The following SREK1 variants were observed in gnomAD, a reference collection of about 807,000 sequenced individuals.
SREK1 encodes splicing regulatory glutamic acid and lysine rich protein 1, also known as splicing regulatory glutamine/lysine-rich protein 1.
In SREK1, 13 loss-of-function variants were observed where a neutral mutation model predicts 66.5. The ratio of observed to expected loss-of-function variants is 0.20; its 90% CI spans 0.13 to 0.31. The LOEUF is 0.31. SREK1 is among the 10% of genes least tolerant of loss of function. The probability of loss-of-function intolerance (pLI) is 1.00; values close to 1 mark genes in which losing one functional copy is unlikely to be tolerated. For missense variants in SREK1, 607 were observed against 769.6 expected (o/e 0.79, Z 2.50); for synonymous variants, 265 against 263.5 (o/e 1.01, Z -0.05).
intron 3 of SREK1, among the ~76,000 whole-genome samples, chr5:66,159,620 G>A (rs1340613756): frequency 1.3e-5 from 2 of 151,962 alleles, no homozygotes. Context: ...ATAGCATAGA[G>A]GATCTAGGTA....
intron 3 of SREK1, among the ~76,000 whole-genome samples, 187 bp downstream of exon 3, chr5:66,159,521 A>C (rs1744561602): frequency 6.6e-6 from 1 of 150,614 alleles, no homozygotes; most frequent in Non-Finnish European, 1.5e-5. Context: ...TTTTGGATTT[A>C]CTCCTGAAGT....
At chr5:66,167,247 G>T (rs1376101096) in intron 7 of SREK1, 1 of 152,174 alleles carries the variant, frequency 6.6e-6, no homozygotes, top group Non-Finnish European at 1.5e-5. Flanking sequence ...GCTAGGACTA[G>T]GGAGGTATGT....
At chr5:66,149,156 T>C (rs1456476709) in intron 1 of SREK1, among the ~76,000 whole-genome samples, 2 of 152,118 alleles carry the variant, frequency 1.3e-5, no homozygotes, top group Non-Finnish European at 2.9e-5. Flanking sequence ...GTTCGAGACC[T>C]GTCTGGCCAA....
intron 3 of SREK1, 57 bp downstream of exon 3, chr5:66,159,391 G>T: frequency 1.5e-6 from 2 of 1,338,878 alleles, no homozygotes; most frequent in South Asian, 1.6e-5. Context: ...GTGACCAGTT[G>T]AATAGAGAGC....
chr5:66,165,122 G>C (rs1317045989), intron 7 of SREK1: 1 of 390,480 alleles, frequency 2.6e-6, no homozygotes, highest in African/African-American at 2.1e-5. Flanking sequence ...TTTATTTTTA[G>C]AAGTTAGTTT....
intron 1 of SREK1, chr5:66,144,745 C>T: frequency 8.0e-7 from 1 of 1,255,224 alleles, no homozygotes; most frequent in Non-Finnish European, 1.0e-6. Context: ...CTGCACGGAG[C>T]CCTTACCAAG....
At chr5:66,153,967 T>G (rs1315204287) in intron 2 of SREK1, among the ~76,000 whole-genome samples, 1 of 152,184 alleles carries the variant, frequency 6.6e-6, no homozygotes, top group Non-Finnish European at 1.5e-5. Context: ...ATGAAAATAG[T>G]GTACACATTT....
At chr5:66,156,377 T>A in intron 2 of SREK1, 5 of 1,194,772 alleles carry the variant, frequency 4.2e-6, no homozygotes, top group Non-Finnish European at 5.2e-6. Flanking sequence ...GTGTTGCAAA[T>A]TATATTGGGA....
rs923804275 is a variant in SREK1 at position 66,183,528 on chromosome 5, T to A, written c.*4660T>A. ...GGTGGTGGTTATTTGTGAGTAGGAC[T>A]ACTTTTAAATGGTACTAGTAAAGAT... On this transcript the variant is annotated 3_prime_UTR_variant, in exon 12 of 12. Coordinates refer to ENST00000334121, the MANE Select transcript of SREK1 (RefSeq NM_001077199.3). The A allele has an allele frequency of 4.6e-5, 7 of 152,330 alleles. No homozygotes were observed. The highest frequency in any genetic ancestry group is 3.3e-4 in the Admixed American group (5 of 15,292). 9.4% of individuals were successfully genotyped at this position (152,330 alleles called of 1,614,324 possible).
rs1202026809 is a variant in SREK1, at chr5:66,144,554, G to C, written c.161+17G>C. 5 of 1,543,202 alleles carry C rather than the reference G, an allele frequency of 3.2e-6. No homozygotes were observed. Among genetic ancestry groups the C allele is most frequent in the Non-Finnish European group, 4.4e-6 (5 of 1,142,560 alleles). On this transcript the variant is annotated intron_variant, in intron 1 of 11. Transcript: ENST00000334121. ...CCCCCCGGAGTAAGTGCTGGAGCTC[G>C]GCTGGGGGAGGGGCGCGGGCGCCAT...
chr5:66,172,476 A>G (rs1745722283), intron 9 of SREK1, among the ~76,000 whole-genome samples: 1 of 151,680 alleles, frequency 6.6e-6, no homozygotes, highest in South Asian at 2.1e-4. Flanking sequence ...ACCCACTGCA[A>G]CCTCCCCCTC....
intron 7 of SREK1, 115 bp from the exon 8 acceptor site, chr5:66,169,933 GTAT>G (rs960456375): frequency 1.4e-6 from 1 of 732,646 alleles, no homozygotes; most frequent in African/African-American, 1.8e-5. Flanking sequence ...TGTAACTAAA[GTAT>G]TATTTAAGAG....
At chr5:66,152,686 G>T (rs1209427717) in intron 1 of SREK1, among the ~76,000 whole-genome samples, 1 of 152,054 alleles carries the variant, frequency 6.6e-6, no homozygotes, top group Non-Finnish European at 1.5e-5. Flanking sequence ...ACTTAGTTCG[G>T]TCTTTTTTTT....
At chr5:66,172,229 C>T (rs1437380652) in intron 9 of SREK1, among the ~76,000 whole-genome samples, 3 of 152,112 alleles carry the variant, frequency 2.0e-5, no homozygotes, top group African/African-American at 7.2e-5. Flanking sequence ...CTTTGTGTTT[C>T]TGTGATTGTT....
chr5:66,179,098 A>G lies in SREK1; in HGVS notation c.*230A>G. ...CAAACTCATCTTCTAAAATCTGTGC[A>G]TTTCCATGGTGGCTGACACACTTGT... On this transcript the variant is annotated 3_prime_UTR_variant, in exon 12 of 12. Coordinates refer to ENST00000334121, the MANE Select transcript of SREK1 (RefSeq NM_001077199.3). 2.9e-6 allele frequency: 1 copy of G among 341,428 alleles called. No homozygotes were observed. The highest frequency in any genetic ancestry group is 5.2e-6 in the Non-Finnish European group (1 of 192,288). The allele number at this position is 341,428 out of a possible 1,614,324, so 21.1% of individuals were successfully genotyped here. A position where few individuals can be genotyped will look rare whatever the true frequency, so the allele number is the denominator to read the frequency against.
At position 66,144,410 on chromosome 5, in the gene SREK1, G is replaced by A. The variant is rs767331; in HGVS notation, c.34G>A (p.Gly12Ser). The stretch of plus-strand genomic sequence containing the variant: ...CGGCGGCGGCTTCGGTTTGGGCTTA[G>A]GCTTCGGCCTCACCCCCACGTCGGT... ...NSGGGFGLGL[G>S]FGLTPTSVIQ... The change falls in exon 1 of 12, where the codon GGC becomes AGC. Residue 12 changes from glycine to serine, a missense_variant. Physicochemically the swap from Gly to Ser is moderately conservative, Grantham distance 56. Around this residue, in one of 5 missense-constraint regions of SREK1, gnomAD observed 75 missense variants for 72.9 expected, o/e 1.03. Transcript: ENST00000334121. 4 of 1,551,170 alleles carry A rather than the reference G, an allele frequency of 2.6e-6. No individual in the cohort carries two copies. The African/African-American group carries it at 5.5e-5, about 21-fold the overall frequency.
intron 7 of SREK1, 160 bp from the exon 8 acceptor site, chr5:66,169,891 G>A (rs111492230): frequency 6.0e-6 from 3 of 500,296 alleles, no homozygotes; most frequent in Non-Finnish European, 1.0e-5. Flanking sequence ...TGAAATATCC[G>A]GTAAAGTTTC....
intron 2 of SREK1, chr5:66,157,221 G>A (rs1252413828): frequency 1.0e-6 from 1 of 984,674 alleles, no homozygotes; most frequent in African/African-American, 1.7e-5. Context: ...GAAAGGCAGT[G>A]GGAGAGTTTG....
intron 7 of SREK1, chr5:66,166,406 G>A (rs1218757738): frequency 6.6e-6 from 1 of 152,152 alleles, no homozygotes; most frequent in African/African-American, 2.4e-5. Context: ...TGTGCTTTAT[G>A]TAGATATGTC....
Sources: allele counts gnomAD v4.1 joint callset (sites outside exome capture counted in the v4.1 genomes callset), GRCh38; gene constraint gnomAD v4.1.1; regional missense constraint gnomAD v4.1.1; transcripts MANE v1.5; gene names NCBI Gene and HGNC (gene_info 2026-07-23, HGNC 2026-07-21).